PTPRD: variants seen among roughly 807,000 people sequenced by gnomAD.
PTPRD encodes the protein receptor-type tyrosine-protein phosphatase delta.
In PTPRD, 34 loss-of-function variants were observed where a neutral mutation model predicts 214.5. The ratio of observed to expected loss-of-function variants is 0.16; its 90% CI spans 0.12 to 0.21. The LOEUF is 0.21. Among genes scored for constraint, PTPRD ranks in the 10% least tolerant of loss-of-function variants. PTPRD has a pLI of 1.00. For synonymous variants in PTPRD, 1,128 were observed against 845.7 expected (o/e 1.33, Z -5.79); for missense variants, 2,545 against 2,398.7 (o/e 1.06, Z -1.27).
chr9:9,686,288 TATGA>T (rs36040172), intron 7 of PTPRD, among the ~76,000 whole-genome samples: 42,855 of 150,954 alleles, frequency 0.28, 6,382 homozygotes, highest in Admixed American at 0.43. Flanking sequence ...GAGATGTATG[TATGA>T]ATTATTTTTT....
chr9:9,473,457 A>G (rs2094778959), intron 8 of PTPRD, among the ~76,000 whole-genome samples: 1 of 152,158 alleles, frequency 6.6e-6, no homozygotes, highest in Non-Finnish European at 1.5e-5. Flanking sequence ...TCTCTTTGAT[A>G]TATTGATTTT....
At chr9:8,340,310 T>G in intron 42 of PTPRD, 33 bp downstream of exon 42, 1 of 1,567,118 alleles carries the variant, frequency 6.4e-7, no homozygotes, top group South Asian at 1.2e-5. Context: ...AGTAAATGTC[T>G]TATGAGGAGA....
intron 9 of PTPRD, among the ~76,000 whole-genome samples, chr9:9,321,914 T>G (rs927429277): frequency 6.6e-6 from 1 of 152,330 alleles, no homozygotes; most frequent in South Asian, 2.1e-4. Context: ...TTGATTTTGA[T>G]TGAGGTACTT....
At chr9:10,324,984 A>G in intron 3 of PTPRD, among the ~76,000 whole-genome samples, 2 of 152,110 alleles carry the variant, frequency 1.3e-5, no homozygotes, top group Admixed American at 1.3e-4. Flanking sequence ...TGAGGGCCAT[A>G]ATACATTTTT....
chr9:8,503,560 G>A (rs527699214), intron 23 of PTPRD, among the ~76,000 whole-genome samples: 15 of 152,106 alleles, frequency 9.9e-5, no homozygotes, highest in African/African-American at 3.4e-4. Flanking sequence ...AAAACAATCT[G>A]CCCTGGGAAC....
chr9:8,477,194 G>A (rs1252823250), intron 30 of PTPRD, among the ~76,000 whole-genome samples: 1 of 151,616 alleles, frequency 6.6e-6, no homozygotes, highest in Non-Finnish European at 1.5e-5. Context: ...ATTCTGCTTT[G>A]CCCGTCTGCC....
At chr9:8,912,374 C>T (rs2098754303) in intron 11 of PTPRD, among the ~76,000 whole-genome samples, 1 of 152,094 alleles carries the variant, frequency 6.6e-6, no homozygotes, top group Non-Finnish European at 1.5e-5. Flanking sequence ...ACTTCAGAAA[C>T]ATGAGAAGTG....
In PTPRD at chr9:8,733,720, A is replaced by T. The variant is rs1385174853; in HGVS notation, c.64+60T>A. On this transcript the variant is annotated intron_variant, in intron 12 of 45. Transcript: ENST00000381196. ...TTCAGAGGCCCTGAGCCTGGTGCCA[A>T]CTGCAAACAAAACCACTCATTATGG... is the stretch of plus-strand genomic sequence containing the variant. The T allele has an allele frequency of 3.9e-6, 6 of 1,523,524 alleles. No individual in the cohort carries two copies. In the African/African-American group the frequency reaches 8.3e-5, roughly 21 times the overall value. 94.4% of individuals were successfully genotyped at this position (1,523,524 alleles called of 1,614,324 possible).
At chr9:8,650,784 CT>C (rs2096792243) in intron 12 of PTPRD, among the ~76,000 whole-genome samples, 5 of 151,916 alleles carry the variant, frequency 3.3e-5, no homozygotes. Flanking sequence ...CATTCAATAC[CT>C]TTTAAAGTAA....
chr9:10,216,019 C>G (rs543067739), intron 3 of PTPRD, among the ~76,000 whole-genome samples: 1 of 151,860 alleles, frequency 6.6e-6, no homozygotes, highest in East Asian at 1.9e-4. Context: ...AAAGTGAGAG[C>G]ATAATTAATA....
At chr9:9,604,570 C>G (rs1206207993) in intron 7 of PTPRD, among the ~76,000 whole-genome samples, 7 of 151,984 alleles carry the variant, frequency 4.6e-5, no homozygotes, top group Admixed American at 6.6e-5. Context: ...TCATTTTGTT[C>G]TACAAAGTGT....
intron 33 of PTPRD, among the ~76,000 whole-genome samples, chr9:8,453,990 T>C (rs921201306): frequency 6.6e-6 from 1 of 152,210 alleles, no homozygotes; most frequent in African/African-American, 2.4e-5. Context: ...TATGAATATA[T>C]AGATATGAGT....
intron 14 of PTPRD, among the ~76,000 whole-genome samples, chr9:8,557,839 T>C (rs547804611): frequency 5.7e-4 from 86 of 150,754 alleles, no homozygotes; most frequent in Admixed American, 2.3e-3. Context: ...CATATATGTG[T>C]ATATATATAA....
chr9:10,299,797 A>C (rs1185263023), intron 3 of PTPRD, among the ~76,000 whole-genome samples: 1 of 152,196 alleles, frequency 6.6e-6, no homozygotes, highest in Admixed American at 6.5e-5. Context: ...TAAGGCAAAT[A>C]CTCGTGGAAA....
intron 9 of PTPRD, among the ~76,000 whole-genome samples, chr9:9,326,199 T>C (rs2039815652): frequency 6.6e-6 from 1 of 152,118 alleles, no homozygotes; most frequent in African/African-American, 2.4e-5. Flanking sequence ...CAGGAGCCCA[T>C]CCAGGAAGCC....
At chr9:9,897,499 A>G (rs2075319964) in intron 5 of PTPRD, among the ~76,000 whole-genome samples, 1 of 152,084 alleles carries the variant, frequency 6.6e-6, no homozygotes, top group Admixed American at 6.6e-5. Context: ...AATATTTTTC[A>G]TCTATTTTTT....
At chr9:10,262,813 G>A (rs1405709200) in intron 3 of PTPRD, among the ~76,000 whole-genome samples, 1 of 152,138 alleles carries the variant, frequency 6.6e-6, no homozygotes, top group Non-Finnish European at 1.5e-5. Flanking sequence ...TTTGCACACT[G>A]ATGCTTGATG....
intron 8 of PTPRD, among the ~76,000 whole-genome samples, chr9:9,433,344 T>C (rs2083962422): frequency 6.6e-6 from 1 of 152,176 alleles, no homozygotes; most frequent in Admixed American, 6.5e-5. Flanking sequence ...TGAAGTTGAG[T>C]CAGAATTACG....
rs540240999 is a variant in PTPRD at position 10,221,879 on chromosome 9, T to C, written c.-545+119084A>G. 1.9e-4 allele frequency among the ~76,000 whole-genome samples: 29 copies of C among 152,120 alleles called. No individual in the cohort carries two copies. The South Asian group carries it at 6.0e-3, about 31-fold the overall frequency. On this transcript the variant is annotated intron_variant, in intron 3 of 45. Coordinates refer to ENST00000381196, the MANE Select transcript of PTPRD (RefSeq NM_002839.4). ...TGAGTAGTAGACCATAAATGCTTTG[T>C]ATTATCTTGATCTAAAAATGGTATT...
Sources: allele counts gnomAD v4.1 joint callset (sites outside exome capture counted in the v4.1 genomes callset), GRCh38; gene constraint gnomAD v4.1.1; transcripts MANE v1.5; gene names NCBI Gene and HGNC (gene_info 2026-07-23, HGNC 2026-07-21).